Variants in MRPL4 observed in about 807,000 individuals in gnomAD.
MRPL4 encodes mitochondrial ribosomal protein L4.
MRPL4 carries 34 observed loss-of-function variants against 34.1 expected under a neutral mutation model. The ratio of observed to expected loss-of-function variants is 1.00; its 90% CI spans 0.76 to 1.33. The LOEUF (loss-of-function observed/expected upper bound fraction) is 1.33. Ranked by LOEUF, MRPL4 falls within the 40% of genes most tolerant of loss-of-function variation. The pLI is 0.00. For synonymous variants in MRPL4, 196 were observed against 188.3 expected (o/e 1.04, Z -0.33); for missense variants, 402 against 434.6 (o/e 0.92, Z 0.67).
At chr19:10,258,049 A>G (rs1599253820) in intron 5 of MRPL4, among the ~76,000 whole-genome samples, 173 bp from the exon 6 acceptor site, 1 of 152,012 alleles carries the variant, frequency 6.6e-6, no homozygotes, top group East Asian at 1.9e-4. Context: ...CAGTGAAGCA[A>G]AGTCACTGGT....
At chr19:10,258,873 C>T (rs1228013241) in intron 8 of MRPL4, 188 bp downstream of exon 8, 8 of 1,500,434 alleles carry the variant, frequency 5.3e-6, no homozygotes, top group African/African-American at 2.8e-5. Context: ...TGGTGGCTCA[C>T]GCTTGTAATC....
chr19:10,258,711 A>T lies in MRPL4; in HGVS notation c.739+26A>T. 3 of 1,614,088 alleles carry T rather than the reference A, an allele frequency of 1.9e-6. No homozygotes were observed. In the African/African-American group the frequency reaches 4.0e-5, roughly 22 times the overall value. On this transcript the variant is annotated intron_variant, in intron 8 of 8. Coordinates refer to ENST00000253099, the MANE Select transcript of MRPL4 (RefSeq NM_015956.3). ...GTGAGCAAAGAGCCCAGGCCCCTAG[A>T]GTGCGCATGTGCAGGCTCCGCTGTT...
In MRPL4 at chr19:10,259,718, A is replaced by AG; in HGVS notation, c.842dup (p.Pro282ThrfsTer33). On this transcript the variant is annotated frameshift_variant, in exon 9 of 9. Transcript: ENST00000253099. LOFTEE classifies it low-confidence loss of function (END_TRUNC). Reference sequence around the variant, plus strand: ...GCTGCTCTGGCAGGACTCACGTTACAGACCCCTCTACCCCTTCAGCCTGCC... The same window carrying AG: ...GCTGCTCTGGCAGGACTCACGTTACAGGACCCCTCTACCCCTTCAGCCTGCC... 1 of 1,613,804 alleles carries AG rather than the reference A, an allele frequency of 6.2e-7. No homozygotes were observed. Among genetic ancestry groups the AG allele is most frequent in the Non-Finnish European group, 8.5e-7 (1 of 1,179,932 alleles).
rs757088802 is a variant in MRPL4, at chr19:10,258,636, C to T, written c.690C>T (p.Ile230=). 6 of 1,614,062 alleles carry T rather than the reference C, an allele frequency of 3.7e-6. No individual in the cohort carries two copies. Among genetic ancestry groups the T allele is most frequent in the Non-Finnish European group, 5.1e-6 (6 of 1,180,040 alleles). Residue 230 remains isoleucine, a synonymous_variant, in exon 8 of 9, where the codon ATC becomes ATT. Coordinates refer to ENST00000253099, the MANE Select transcript of MRPL4 (RefSeq NM_015956.3). ...CACACGAGGAGATGCCACAGAGCAT[C>T]GTGGAGGCCACCTCTAGGCTTAAGA... ...DLTHEEMPQS[I]VEATSRLKTF...
In MRPL4 at chr19:10,259,621, A is replaced by G; in HGVS notation, c.744A>G (p.Leu248=). ...CCGCCCCCACCCCGCCCCCAGGCCT[A>G]AATGTGCACAGCATGCTCAAGCACC... The part of the protein sequence containing the change: ...KTFNLIPAVG[L]NVHSMLKHQT... Residue 248 remains leucine, a synonymous_variant, in exon 9 of 9, where the codon CTA becomes CTG. Coordinates refer to ENST00000253099, the MANE Select transcript of MRPL4 (RefSeq NM_015956.3). 1 of 1,154,112 alleles carries G rather than the reference A, an allele frequency of 8.7e-7. No individual in the cohort carries two copies. The highest frequency in any genetic ancestry group is 1.1e-6 in the Non-Finnish European group (1 of 917,706). The allele number at this position is 1,154,112 out of a possible 1,614,324, so 71.5% of individuals were successfully genotyped here.
intron 3 of MRPL4, 147 bp downstream of exon 3, chr19:10,252,848 C>A: frequency 8.7e-7 from 1 of 1,145,140 alleles, no homozygotes; most frequent in Non-Finnish European, 1.2e-6. Flanking sequence ...GGAATGATGA[C>A]AGTTTCCCCT....
intron 5 of MRPL4, 41 bp downstream of exon 5, chr19:10,256,866 G>GGGGGGGGGGGC: frequency 4.5e-5 from 17 of 378,368 alleles, no homozygotes; most frequent in Non-Finnish European, 6.1e-5. Flanking sequence ...GGGTGGGGGG[G>GGGGGGGGGGGC]CCAGGGAAGG....
Position 10,259,756 on chromosome 19 carries a change from C to T in MRPL4, c.879C>T (p.Phe293=). ...LYPFSLPYSD[F]PRPLPHATQG... is the part of the protein sequence containing the mutation. ...CCTTCAGCCTGCCCTACAGCGACTT[C>T]CCCCGACCCCTACCCCACGCTACCC... The change falls in exon 9 of 9, where the codon TTC becomes TTT. Residue 293 remains phenylalanine (F), a synonymous_variant. Transcript: ENST00000253099. 1.2e-6 allele frequency: 2 copies of T among 1,614,018 alleles called. No homozygotes were observed. Among genetic ancestry groups the T allele is most frequent in the Non-Finnish European group, 1.7e-6 (2 of 1,179,924 alleles).
rs1251602770 is a variant in MRPL4, at chr19:10,252,414, G to T, written c.75G>T (p.Ala25=). The T allele has an allele frequency of 6.2e-7, 1 of 1,614,106 alleles. No homozygotes were observed. Among genetic ancestry groups the T allele is most frequent in the Non-Finnish European group, 8.5e-7 (1 of 1,179,986 alleles). ...CCTTGCAGGGCCTGAGTTCCCTGGC[G>T]GAAGAGGCAGCGCGTGCGACCGAGA... is the stretch of plus-strand genomic sequence containing the variant. ...PTGSQGLSSL[A]EEAARATENP... Residue 25 remains alanine (A), a synonymous_variant, in exon 2 of 9, where the codon GCG becomes GCT. Coordinates refer to ENST00000253099, the MANE Select transcript of MRPL4 (RefSeq NM_015956.3).
At chr19:10,252,341 G>A (rs1364580730) in intron 1 of MRPL4, 31 bp downstream of exon 1, 1 of 1,612,974 alleles carries the variant, frequency 6.2e-7, no homozygotes, top group South Asian at 1.1e-5. Flanking sequence ...CGTGGTCGAA[G>A]GATGAAATTT....
chr19:10,254,417 G>C lies in MRPL4; in HGVS notation c.276-172G>C, dbSNP rs2039829018. Among the ~76,000 whole-genome samples, 4 of 152,188 alleles carry C rather than the reference G, an allele frequency of 2.6e-5. 1 individual carries two copies. The South Asian group carries it at 8.3e-4, about 31-fold the overall frequency. ...CAGGAGAAGAGTGTTTCAGGCAGAG[G>C]GAACAGCAAGTGCCAAGGCCCTGAG... is the stretch of plus-strand genomic sequence containing the variant. On this transcript the variant is annotated intron_variant, in intron 3 of 8. Transcript: ENST00000253099.
rs759381900 is a variant in MRPL4, at chr19:10,256,789, C to T, written c.409C>T (p.Arg137Trp). ...PWPQKGTGRARHGSIRSPLWR... is the reference protein window; with the variant it reads ...PWPQKGTGRAWHGSIRSPLWR... ...GCCGCAGAAAGGCACTGGGCGGGCC[C>T]GGCATGGCAGCATCCGCTCTCCGCT... The change falls in exon 5 of 9, where the codon CGG becomes TGG. Residue 137 changes from arginine to tryptophan, a missense_variant. Physicochemically the swap from Arg to Trp is moderately radical, Grantham distance 101. Transcript: ENST00000253099. 2 of 1,377,450 alleles carry T rather than the reference C, an allele frequency of 1.5e-6. No individual in the cohort carries two copies. Among genetic ancestry groups the T allele is most frequent in the Non-Finnish European group, 1.9e-6 (2 of 1,041,738 alleles). The allele number at this position is 1,377,450 out of a possible 1,614,324, so 85.3% of individuals were successfully genotyped here.
At position 10,252,275 on chromosome 19, in the gene MRPL4, G is replaced by T. The variant is rs1016159491; in HGVS notation, c.22G>T (p.Gly8Trp). 6.2e-7 allele frequency: 1 copy of T among 1,608,582 alleles called. No individual in the cohort carries two copies. Residue 8 changes from glycine (G) to tryptophan (W), a missense_variant, in exon 1 of 9, where the codon GGG becomes TGG. Physicochemically the swap from Gly to Trp is radical, Grantham distance 184 (BLOSUM62 -2). Transcript: ENST00000253099. MLQFVRA[G>W]ARAWLRPTGS... The stretch of plus-strand genomic sequence containing the variant: ...GGCGATGCTGCAGTTCGTCCGGGCC[G>T]GGGCGCGGGCCTGGCTTCGGCCTAC...
chr19:10,256,923 T>C, intron 5 of MRPL4, 98 bp downstream of exon 5: 1 of 1,018,164 alleles, frequency 9.8e-7, no homozygotes, highest in Non-Finnish European at 1.4e-6. Flanking sequence ...GGCATGGTAT[T>C]ATGTCAGCCC....
upstream of MRPL4, chr19:10,252,210 C>T (rs1356322218): frequency 1.9e-6 from 3 of 1,547,290 alleles, no homozygotes; most frequent in Non-Finnish European, 2.6e-6. Flanking sequence ...CCTCGCGAGG[C>T]TCCAGTGGCC....
chr19:10,252,209 G>A, upstream of MRPL4: 1 of 1,536,158 alleles, frequency 6.5e-7, no homozygotes, highest in Non-Finnish European at 8.7e-7. Context: ...GCCTCGCGAG[G>A]CTCCAGTGGC....
upstream of MRPL4, chr19:10,251,972 A>T (rs1378354055): frequency 2.0e-6 from 1 of 504,980 alleles, no homozygotes; most frequent in East Asian, 3.5e-5. Flanking sequence ...GACCCAAAGT[A>T]GGCTAGGCCT....
At chr19:10,256,243 G>A (rs1161424627) in intron 4 of MRPL4, among the ~76,000 whole-genome samples, 1 of 151,652 alleles carries the variant, frequency 6.6e-6, no homozygotes, top group Non-Finnish European at 1.5e-5. Flanking sequence ...CCGAGATCGC[G>A]CCACTGCACT....
chr19:10,252,547 C>T lies in MRPL4; in HGVS notation c.125-4C>T. On this transcript the variant is annotated splice_region_variant and splice_polypyrimidine_tract_variant and intron_variant, in intron 2 of 8. Coordinates refer to ENST00000253099, the MANE Select transcript of MRPL4 (RefSeq NM_015956.3). ...CTAACCTCTGACCCCCGCAATCGCT[C>T]CAGGTCTCCCGGAGCCCGTGCTGCG... The T allele has an allele frequency of 6.2e-7, 1 of 1,613,172 alleles. No individual in the cohort carries two copies. The highest frequency in any genetic ancestry group is 2.2e-5 in the East Asian group (1 of 44,858).
Sources: allele counts gnomAD v4.1 joint callset (sites outside exome capture counted in the v4.1 genomes callset), GRCh38; gene constraint gnomAD v4.1.1; transcripts MANE v1.5; gene names NCBI Gene and HGNC (gene_info 2026-07-23, HGNC 2026-07-21).